Variants in KCND2 observed in about 807,000 individuals in gnomAD.
The protein encoded by KCND2 is potassium voltage-gated channel subfamily D member 2.
KCND2 carries 16 observed loss-of-function variants against 54.4 expected under a neutral mutation model. The ratio of observed to expected loss-of-function variants is 0.29; its 90% confidence interval spans 0.20 to 0.45. KCND2 has a LOEUF of 0.45. Ranked by LOEUF, KCND2 falls within the 20% of genes least tolerant of loss-of-function variation. The pLI, the probability that KCND2 is intolerant of heterozygous loss-of-function variation, is 1.00. For synonymous variants in KCND2, 317 were observed against 310.7 expected (o/e 1.02, Z -0.21); for missense variants, 486 against 824.2 (o/e 0.59, Z 5.02).
At chr7:120,413,495 A>T (rs530826772) in intron 1 of KCND2, among the ~76,000 whole-genome samples, 2 of 152,146 alleles carry the variant, frequency 1.3e-5, no homozygotes, top group South Asian at 4.1e-4. Flanking sequence ...TGTTCAAAAT[A>T]TATGTACATA....
Position 120,636,192 on chromosome 7 carries a change from T to A in KCND2, c.1116-96711T>A, listed in dbSNP as rs571884195. ...ATATATTGTGATCAAAACTTATGTG[T>A]TAGAGAAGGGACATATAATGATGAC... On this transcript the variant is annotated intron_variant, in intron 1 of 5. Coordinates refer to ENST00000331113, the MANE Select transcript of KCND2 (RefSeq NM_012281.3). Among the ~76,000 whole-genome samples the A allele has an allele frequency of 3.3e-5, 5 of 152,276 alleles. No homozygotes were observed. In the South Asian group the frequency reaches 1.0e-3, roughly 32 times the overall value.
At chr7:120,487,398 A>G (rs1390468024) in intron 1 of KCND2, among the ~76,000 whole-genome samples, 1 of 152,204 alleles carries the variant, frequency 6.6e-6, no homozygotes, top group Non-Finnish European at 1.5e-5. Context: ...GAAATGGGAT[A>G]GAATAAAAAA....
At chr7:120,286,768 A>G (rs1000005787) in intron 1 of KCND2, among the ~76,000 whole-genome samples, 5 of 152,116 alleles carry the variant, frequency 3.3e-5, no homozygotes, top group Non-Finnish European at 5.9e-5. Context: ...TTATGACTCT[A>G]TCAGACTTGT....
At chr7:120,351,083 A>T (rs1311594430) in intron 1 of KCND2, among the ~76,000 whole-genome samples, 1 of 151,640 alleles carries the variant, frequency 6.6e-6, no homozygotes, top group Non-Finnish European at 1.5e-5. Context: ...TACATTAAAT[A>T]TGTAGATTAT....
chr7:120,577,284 A>G (rs1474314315), intron 1 of KCND2, among the ~76,000 whole-genome samples: 1 of 152,212 alleles, frequency 6.6e-6, no homozygotes, highest in Non-Finnish European at 1.5e-5. Context: ...AAAAGTTTTC[A>G]TACTTTGAAC....
intron 1 of KCND2, among the ~76,000 whole-genome samples, chr7:120,348,709 G>A (rs903720623): frequency 6.6e-6 from 1 of 152,176 alleles, no homozygotes; most frequent in African/African-American, 2.4e-5. Context: ...GTTTCCTGCT[G>A]TACTGTAAGA....
intron 1 of KCND2, among the ~76,000 whole-genome samples, chr7:120,491,907 C>A (rs997982698): frequency 1.3e-5 from 2 of 151,954 alleles, no homozygotes; most frequent in African/African-American, 2.4e-5. Context: ...AGATTTTATG[C>A]AACAATAACA....
In KCND2 at chr7:120,414,819, A is replaced by G. The variant is rs547806062; in HGVS notation, c.1115+139072A>G. ...AATTATTCTTCCACTTCATCATGTC[A>G]TCTGGTGCTTTCATACTACCATCAT... On this transcript the variant is annotated intron_variant, in intron 1 of 5. Transcript: ENST00000331113. Among the ~76,000 whole-genome samples the G allele has an allele frequency of 7.1e-4, 108 of 152,230 alleles. 1 individual carries two copies. The highest frequency in any genetic ancestry group is 1.4e-3 in the Non-Finnish European group (98 of 68,008).
chr7:120,512,274 G>T (rs1355106975), intron 1 of KCND2, among the ~76,000 whole-genome samples: 1 of 151,960 alleles, frequency 6.6e-6, no homozygotes, highest in Non-Finnish European at 1.5e-5. Context: ...AGAACTGGTA[G>T]AATTATAAGT....
At chr7:120,702,304 A>G (rs1006618653) in intron 1 of KCND2, among the ~76,000 whole-genome samples, 3 of 152,076 alleles carry the variant, frequency 2.0e-5, no homozygotes, top group African/African-American at 7.2e-5. Context: ...GATGTTTGTG[A>G]GGTTGCAGAA....
At chr7:120,418,276 A>T (rs1801552929) in intron 1 of KCND2, among the ~76,000 whole-genome samples, 1 of 152,212 alleles carries the variant, frequency 6.6e-6, no homozygotes, top group Non-Finnish European at 1.5e-5. Context: ...GTGATAATGA[A>T]GAAAGGGGCT....
intron 1 of KCND2, among the ~76,000 whole-genome samples, chr7:120,463,174 C>T (rs1195579225): frequency 6.6e-6 from 1 of 151,968 alleles, no homozygotes; most frequent in African/African-American, 2.4e-5. Context: ...GATGGTTAAA[C>T]CATGACTTAA....
intron 1 of KCND2, among the ~76,000 whole-genome samples, chr7:120,446,572 A>C (rs1647710656): frequency 6.6e-6 from 1 of 152,158 alleles, no homozygotes; most frequent in African/African-American, 2.4e-5. Context: ...ACATACACAT[A>C]CACATACACT....
At chr7:120,298,538 T>C (rs1459863858) in intron 1 of KCND2, among the ~76,000 whole-genome samples, 1 of 152,226 alleles carries the variant, frequency 6.6e-6, no homozygotes, top group East Asian at 1.9e-4. Flanking sequence ...TATGCAGCCA[T>C]ACATTTCTGG....
chr7:120,706,771 G>T (rs1792473991), intron 1 of KCND2, among the ~76,000 whole-genome samples: 1 of 152,168 alleles, frequency 6.6e-6, no homozygotes, highest in African/African-American at 2.4e-5. Flanking sequence ...AATACTTTCT[G>T]TGAATTAATT....
chr7:120,602,461 A>T (rs1181200815), intron 1 of KCND2, among the ~76,000 whole-genome samples: 1 of 152,158 alleles, frequency 6.6e-6, no homozygotes, highest in Non-Finnish European at 1.5e-5. Flanking sequence ...GTTTTCTATG[A>T]CCCAACGTCA....
intron 1 of KCND2, among the ~76,000 whole-genome samples, chr7:120,599,262 C>T (rs556131974): frequency 6.6e-6 from 1 of 152,134 alleles, no homozygotes; most frequent in East Asian, 1.9e-4. Context: ...AATTCTCTAA[C>T]CTTCTTCTTG....
intron 1 of KCND2, among the ~76,000 whole-genome samples, chr7:120,557,712 C>T (rs1164822309): frequency 6.6e-6 from 1 of 152,098 alleles, no homozygotes; most frequent in African/African-American, 2.4e-5. Context: ...TCTCCATCTG[C>T]AGTGTAGGCT....
chr7:120,369,327 T>A (rs1313132784), intron 1 of KCND2, among the ~76,000 whole-genome samples: 1 of 152,050 alleles, frequency 6.6e-6, no homozygotes, highest in Non-Finnish European at 1.5e-5. Context: ...TAAAAAGATG[T>A]CCCATCAGTG....
Sources: gnomAD v4.1 joint callset for allele counts (sites outside exome capture counted in the v4.1 genomes callset) on GRCh38, gnomAD v4.1.1 for gene constraint, MANE v1.5 for transcripts, NCBI Gene and HGNC (gene_info 2026-07-23, HGNC 2026-07-21) for gene names.